The following CARMIL1 variants were observed in gnomAD, a reference collection of about 807,000 sequenced individuals.
CARMIL1 encodes the protein capping protein regulator and myosin 1 linker 1.
Under a neutral mutation model 177.1 loss-of-function variants are expected in CARMIL1, and 90 were observed. The ratio of observed to expected loss-of-function variants is 0.51; its 90% CI spans 0.43 to 0.61. The LOEUF is 0.61. Ranked by LOEUF, CARMIL1 falls within the 20% of genes least tolerant of loss-of-function variation. The probability of loss-of-function intolerance (pLI) is 0.00; values close to 1 mark genes in which losing one functional copy is unlikely to be tolerated. For synonymous variants in CARMIL1, 577 were observed against 606.2 expected, an observed-to-expected ratio of 0.95 and a Z score of 0.71; for missense variants, 1,380 against 1,667.0, an observed-to-expected ratio of 0.83 and a Z score of 3.00.
chr6:25,429,202 C>A (rs1435230850), intron 4 of CARMIL1, among the ~76,000 whole-genome samples: 1 of 152,134 alleles, frequency 6.6e-6, no homozygotes, highest in African/African-American at 2.4e-5. Flanking sequence ...AACAGGCTTG[C>A]TTACTTCTTA....
intron 2 of CARMIL1, among the ~76,000 whole-genome samples, chr6:25,393,797 C>A (rs1304224384): frequency 2.6e-5 from 4 of 151,412 alleles, no homozygotes; most frequent in African/African-American, 9.7e-5. Context: ...TTGGAGGCTG[C>A]AGTGAGCTCT....
intron 2 of CARMIL1, among the ~76,000 whole-genome samples, chr6:25,391,519 A>G (rs1157925679): frequency 1.3e-5 from 2 of 152,128 alleles, no homozygotes; most frequent in African/African-American, 2.4e-5. Context: ...GCAGAAGATG[A>G]TGGGTTGAGG....
intron 2 of CARMIL1, among the ~76,000 whole-genome samples, chr6:25,366,173 A>C (rs1378907062): frequency 6.6e-6 from 1 of 151,798 alleles, no homozygotes; most frequent in Non-Finnish European, 1.5e-5. Context: ...AAAAAAAAAA[A>C]AATTGTAGAG....
chr6:25,563,319 G>T, intron 29 of CARMIL1: 1 of 985,310 alleles, frequency 1.0e-6, no homozygotes, highest in Non-Finnish European at 1.2e-6. Flanking sequence ...AAATCCCTTT[G>T]GGATGAAAGG....
At chr6:25,398,029 A>G (rs1414875073) in intron 2 of CARMIL1, among the ~76,000 whole-genome samples, 3 of 152,220 alleles carry the variant, frequency 2.0e-5, no homozygotes, top group Non-Finnish European at 4.4e-5. Flanking sequence ...TGGAGGATTT[A>G]AGAATATTAG....
At chr6:25,410,319 T>C (rs916962116) in intron 2 of CARMIL1, among the ~76,000 whole-genome samples, 13 of 152,168 alleles carry the variant, frequency 8.5e-5, no homozygotes, top group African/African-American at 3.1e-4. Context: ...ACTGCGGCAA[T>C]AGACTTACAG....
At position 25,308,114 on chromosome 6, in the gene CARMIL1, C is replaced by T. The variant is rs540541196; in HGVS notation, c.138+23205C>T. Among the ~76,000 whole-genome samples the T allele has an allele frequency of 3.9e-5, 6 of 152,292 alleles. No homozygotes were observed. In the East Asian group the frequency reaches 9.7e-4, roughly 24 times the overall value. On this transcript the variant is annotated intron_variant, in intron 2 of 36. Coordinates refer to ENST00000329474, the MANE Select transcript of CARMIL1 (RefSeq NM_017640.6). ...ATAAAGTTCTACTTTTATTAACAAA[C>T]ATAACAGTGCATTGCTTTTGTGTTT...
chr6:25,609,127 G>A (rs1252272277), intron 35 of CARMIL1, among the ~76,000 whole-genome samples: 1 of 152,090 alleles, frequency 6.6e-6, no homozygotes, highest in East Asian at 1.9e-4. Flanking sequence ...CAAGCTTGTG[G>A]TAGATTCTTT....
At chr6:25,608,003 T>C (rs1816146394) in intron 35 of CARMIL1, among the ~76,000 whole-genome samples, 1 of 151,954 alleles carries the variant, frequency 6.6e-6, no homozygotes, top group Non-Finnish European at 1.5e-5. Flanking sequence ...GTAGAAGGAG[T>C]GGAGAGAATG....
chr6:25,540,216 T>G, intron 26 of CARMIL1, 138 bp downstream of exon 26: 1 of 788,766 alleles, frequency 1.3e-6, no homozygotes, highest in Non-Finnish European at 1.8e-6. Context: ...TTGAATACTG[T>G]GTCTTTTCCA....
intron 24 of CARMIL1, among the ~76,000 whole-genome samples, chr6:25,533,776 T>C (rs1471727922): frequency 6.6e-6 from 1 of 152,226 alleles, no homozygotes; most frequent in Non-Finnish European, 1.5e-5. Flanking sequence ...TTTAACTCTC[T>C]CATTTGTAGA....
At chr6:25,542,169 G>C (rs997111666) in intron 26 of CARMIL1, among the ~76,000 whole-genome samples, 1 of 152,204 alleles carries the variant, frequency 6.6e-6, no homozygotes, top group African/African-American at 2.4e-5. Context: ...CTATCAAACA[G>C]CTTCAAACTG....
intron 2 of CARMIL1, among the ~76,000 whole-genome samples, chr6:25,401,281 A>AAC (rs928628372): frequency 1.9e-5 from 1 of 52,786 alleles, no homozygotes; most frequent in East Asian, 5.0e-4. Flanking sequence ...TTTATACACA[A>AAC]ACACACACAC....
intron 24 of CARMIL1, 73 bp from the exon 25 acceptor site, chr6:25,537,782 C>T (rs1444877555): frequency 5.1e-6 from 8 of 1,565,658 alleles, no homozygotes; most frequent in Middle Eastern, 1.7e-4. Flanking sequence ...CATACTCCTT[C>T]GTTCTGTGTT....
In CARMIL1 at chr6:25,423,504, C is replaced by A. The variant is rs374633089; in HGVS notation, c.190-2997C>A. Among the ~76,000 whole-genome samples the A allele has an allele frequency of 9.2e-5, 14 of 152,252 alleles. 2 individuals are homozygous for A. The South Asian group carries it at 1.7e-3, about 18-fold the overall frequency. On this transcript the variant is annotated intron_variant, in intron 3 of 36. Coordinates refer to ENST00000329474, the MANE Select transcript of CARMIL1 (RefSeq NM_017640.6). ...CTTAGCAGTTTGGAAGACCACAGTG[C>A]ATTTGGGGAGCTGGAGTGTGGGCTG...
intron 9 of CARMIL1, among the ~76,000 whole-genome samples, chr6:25,467,744 T>C (rs558712434): frequency 2.0e-5 from 3 of 152,350 alleles, no homozygotes; most frequent in African/African-American, 7.2e-5. Context: ...GGGCTGCTTA[T>C]GCCACTTTTC....
intron 2 of CARMIL1, among the ~76,000 whole-genome samples, chr6:25,317,725 TA>T (rs538910744): frequency 2.3e-4 from 34 of 148,720 alleles, no homozygotes; most frequent in South Asian, 1.3e-3. Flanking sequence ...CTGGGCTAAT[TA>T]AAAAAAAAAA....
chr6:25,556,960 TCCCCAC>T, intron 29 of CARMIL1, 110 bp downstream of exon 29: 1 of 1,092,956 alleles, frequency 9.1e-7, no homozygotes. Context: ...CAAAACACTG[TCCCCAC>T]CCTCAGACAA....
intron 3 of CARMIL1, among the ~76,000 whole-genome samples, chr6:25,422,485 C>G (rs1203561480): frequency 6.6e-6 from 1 of 151,772 alleles, no homozygotes; most frequent in East Asian, 1.9e-4. Flanking sequence ...TCCTCCCGAT[C>G]ATACAAATGT....
Sources: allele counts gnomAD v4.1 joint callset (sites outside exome capture counted in the v4.1 genomes callset), GRCh38; gene constraint gnomAD v4.1.1; transcripts MANE v1.5; gene names NCBI Gene and HGNC (gene_info 2026-07-23, HGNC 2026-07-21).